The following OSBPL9 variants were observed in gnomAD, a reference collection of about 807,000 sequenced individuals.
OSBPL9 encodes the protein oxysterol binding protein like 9.
In OSBPL9, 40 loss-of-function variants were observed where a neutral mutation model predicts 106.6. The ratio of observed to expected loss-of-function variants is 0.38; its 90% CI spans 0.29 to 0.49. The LOEUF (loss-of-function observed/expected upper bound fraction) is 0.49. Ranked by LOEUF, OSBPL9 falls within the 20% of genes least tolerant of loss-of-function variation. OSBPL9 has a pLI of 0.97. For missense variants in OSBPL9, 609 were observed against 887.2 expected (o/e 0.69, Z 3.98); for synonymous variants, 269 against 295.4 (o/e 0.91, Z 0.92).
chr1:51,694,762 C>A (rs556240293), intron 3 of OSBPL9, among the ~76,000 whole-genome samples: 2 of 152,064 alleles, frequency 1.3e-5, no homozygotes, highest in Non-Finnish European at 2.9e-5. Flanking sequence ...GATATTGCTC[C>A]AAACTAATCA....
intron 15 of OSBPL9, among the ~76,000 whole-genome samples, chr1:51,777,864 A>G (rs762031482): frequency 1.6e-4 from 24 of 152,280 alleles, no homozygotes; most frequent in Admixed American, 5.2e-4. Context: ...CCCCAGAACT[A>G]TTTACAGGCC....
At chr1:51,727,469 C>T (rs897084439) in intron 4 of OSBPL9, among the ~76,000 whole-genome samples, 1 of 152,038 alleles carries the variant, frequency 6.6e-6, no homozygotes, top group Non-Finnish European at 1.5e-5. Flanking sequence ...ATCCTCACTT[C>T]GTTAAGCTTA....
At chr1:51,563,994 A>ACAG in the OSBPL9 span, among the ~76,000 whole-genome samples, 1 of 135,860 alleles carries the variant, frequency 7.4e-6, no homozygotes, top group Non-Finnish European at 1.6e-5. Context: ...GGCAGAGGTC[A>ACAG]CAGTGAGCCA....
chr1:51,700,577 C>T (rs904910990), intron 3 of OSBPL9, among the ~76,000 whole-genome samples: 1 of 151,908 alleles, frequency 6.6e-6, no homozygotes, highest in Non-Finnish European at 1.5e-5. Context: ...TCTCATGATT[C>T]GATTGCAATT....
At chr1:51,616,032 T>TGAGA (rs1198285728), upstream of OSBPL9, among the ~76,000 whole-genome samples, 1 of 138,454 alleles carries the variant, frequency 7.2e-6, no homozygotes, top group Non-Finnish European at 1.5e-5. Flanking sequence ...TTTTTTTGTG[T>TGAGA]GAGAGAGAAT....
At chr1:51,754,079 G>A (rs1669835056) in intron 8 of OSBPL9, among the ~76,000 whole-genome samples, 1 of 152,200 alleles carries the variant, frequency 6.6e-6, no homozygotes, top group South Asian at 2.1e-4. Context: ...GTGGAGCTGG[G>A]GAGTAAGGGG....
At chr1:51,543,770 A>G in the OSBPL9 span, among the ~76,000 whole-genome samples, 1 of 152,198 alleles carries the variant, frequency 6.6e-6, no homozygotes, top group African/African-American at 2.4e-5. Flanking sequence ...AAGAAACTGG[A>G]GCCAAGCTTT....
At chr1:51,663,425 A>G (rs891758965) in intron 2 of OSBPL9, among the ~76,000 whole-genome samples, 1 of 152,016 alleles carries the variant, frequency 6.6e-6, no homozygotes, top group African/African-American at 2.4e-5. Context: ...AGAAATGGTG[A>G]TTTGCTTTCC....
chr1:51,767,758 C>A (rs1414234650), intron 12 of OSBPL9, among the ~76,000 whole-genome samples: 1 of 151,798 alleles, frequency 6.6e-6, no homozygotes, highest in Non-Finnish European at 1.5e-5. Context: ...AAAACATAAA[C>A]TATTGAGAAA....
intron 9 of OSBPL9, chr1:51,760,220 C>G (rs1388882967): frequency 6.5e-6 from 1 of 154,248 alleles, no homozygotes; most frequent in African/African-American, 2.4e-5. Flanking sequence ...ACCAGTCCCC[C>G]TGGATACCTG....
At chr1:51,604,145 T>C (rs191746340) in intron 2 of OSBPL9, among the ~76,000 whole-genome samples, 13 of 152,308 alleles carry the variant, frequency 8.5e-5, no homozygotes, top group Non-Finnish European at 1.5e-5. Flanking sequence ...TTCCCTATAA[T>C]AGCCTTCAGT....
At chr1:51,733,869 A>G (rs1046247491) in intron 4 of OSBPL9, among the ~76,000 whole-genome samples, 9 of 152,106 alleles carry the variant, frequency 5.9e-5, no homozygotes, top group African/African-American at 2.2e-4. Context: ...AAATAATACT[A>G]ATAGTAGTAC....
intron 3 of OSBPL9, among the ~76,000 whole-genome samples, chr1:51,705,259 C>G (rs1180486163): frequency 6.6e-6 from 1 of 150,934 alleles, no homozygotes; most frequent in Non-Finnish European, 1.5e-5. Flanking sequence ...GTGAGCCTCC[C>G]ATCTCCTGGG....
intron 20 of OSBPL9, 83 bp downstream of exon 20, chr1:51,784,665 A>C (rs1192896073): frequency 2.1e-6 from 3 of 1,449,870 alleles, no homozygotes; most frequent in Non-Finnish European, 2.8e-6. Context: ...CTGGATTAGG[A>C]GTGTGAAAGA....
chr1:51,559,797 A>G, the OSBPL9 span, among the ~76,000 whole-genome samples: 3 of 152,212 alleles, frequency 2.0e-5, no homozygotes, highest in African/African-American at 7.2e-5. Context: ...TAGGCATATT[A>G]ATATGGTCAC....
At chr1:51,588,408 C>T (rs1277757869) in intron 1 of OSBPL9, among the ~76,000 whole-genome samples, 2 of 152,148 alleles carry the variant, frequency 1.3e-5, no homozygotes, top group Admixed American at 1.3e-4. Flanking sequence ...ACAACAATCT[C>T]AGCACATTGG....
At chr1:51,571,505 A>T in the OSBPL9 span, among the ~76,000 whole-genome samples, 9 of 152,240 alleles carry the variant, frequency 5.9e-5, no homozygotes, top group South Asian at 1.9e-3. Flanking sequence ...GTCTTTGCAA[A>T]AAAAATTAAA....
rs180707509 is a variant in OSBPL9 at position 51,652,648 on chromosome 1, A to C, written c.162+607A>C. Among the ~76,000 whole-genome samples the C allele has an allele frequency of 2.3e-3, 350 of 152,354 alleles. 4 individuals are homozygous for C. The highest frequency in any genetic ancestry group is 8.2e-3 in the African/African-American group (342 of 41,594). ...ATCTTTCTTTCCATACTAACTATTC[A>C]AAATCCAGTGTGTTTTTTACACAAA... On this transcript the variant is annotated intron_variant, in intron 2 of 23. Coordinates refer to ENST00000428468, the MANE Select transcript of OSBPL9 (RefSeq NM_024586.6).
chr1:51,788,318 G>GTGTT lies in OSBPL9; in HGVS notation c.*530_*533dup, dbSNP rs1222594528. Reference sequence around the variant, plus strand: ...AATTAGCGCAATGTATTAAAATCAAGTGTTAGGAAATTTCATGGTCTTACC... The same window carrying GTGTT: ...AATTAGCGCAATGTATTAAAATCAAGTGTTTGTTAGGAAATTTCATGGTCTTACC... On this transcript the variant is annotated 3_prime_UTR_variant, in exon 24 of 24. Coordinates refer to ENST00000428468, the MANE Select transcript of OSBPL9 (RefSeq NM_024586.6). The GTGTT allele has an allele frequency of 6.6e-6, 1 of 152,618 alleles. No homozygotes were observed. The allele number at this position is 152,618 out of a possible 1,614,324, so 9.5% of individuals were successfully genotyped here.
Sources: allele counts gnomAD v4.1 joint callset (sites outside exome capture counted in the v4.1 genomes callset), GRCh38; gene constraint gnomAD v4.1.1; transcripts MANE v1.5; gene names NCBI Gene and HGNC (gene_info 2026-07-23, HGNC 2026-07-21).